The following SNX13 variants were observed in gnomAD, a reference collection of about 807,000 sequenced individuals.
SNX13 encodes the protein sorting nexin-13.
In SNX13, 45 loss-of-function variants were observed where a neutral mutation model predicts 133.6. The ratio of observed to expected loss-of-function variants is 0.34; its 90% confidence interval spans 0.27 to 0.43. SNX13 has a LOEUF of 0.43. Among genes scored for constraint, SNX13 ranks in the 20% least tolerant of loss-of-function variants. SNX13 has a pLI of 1.00. For synonymous variants in SNX13, 414 were observed against 373.9 expected, an observed-to-expected ratio of 1.11 and a Z score of -1.24; for missense variants, 1,032 against 1,145.1, an observed-to-expected ratio of 0.90 and a Z score of 1.43.
At chr7:17,826,277 A>G (rs1787902367) in intron 16 of SNX13, among the ~76,000 whole-genome samples, 186 bp from the exon 17 acceptor site, 1 of 152,012 alleles carries the variant, frequency 6.6e-6, no homozygotes, top group East Asian at 1.9e-4. Flanking sequence ...GAAAAAAAGC[A>G]AAGATTAAGA....
At chr7:17,799,459 G>C (rs1207667049) in intron 22 of SNX13, among the ~76,000 whole-genome samples, 1 of 151,744 alleles carries the variant, frequency 6.6e-6, no homozygotes, top group Admixed American at 6.6e-5. Flanking sequence ...TATTGGAAGA[G>C]ACTGTATGAG....
chr7:17,907,010 G>A (rs1477137809), intron 1 of SNX13, among the ~76,000 whole-genome samples: 2 of 152,118 alleles, frequency 1.3e-5, no homozygotes, highest in African/African-American at 2.4e-5. Flanking sequence ...ATTCATGTTG[G>A]TTATGTTCTT....
At position 17,897,494 on chromosome 7, in the gene SNX13, T is replaced by C. The variant is rs532343072; in HGVS notation, c.13-48A>G. On this transcript the variant is annotated intron_variant, in intron 1 of 25. Coordinates refer to ENST00000428135, the MANE Select transcript of SNX13 (RefSeq NM_015132.5). ...GTAAATTAGTAAATAATTCTCCACA[T>C]GAATTAGAAAAGAACCAACAAAACT... 19 of 1,091,624 alleles carry C rather than the reference T, an allele frequency of 1.7e-5. 1 individual carries two copies. The highest frequency in any genetic ancestry group is 2.1e-4 in the Middle Eastern group (1 of 4,790). The allele number at this position is 1,091,624 out of a possible 1,614,324, so 67.6% of individuals were successfully genotyped here. A position where few individuals can be genotyped will look rare whatever the true frequency, so the allele number is the denominator to read the frequency against.
intron 1 of SNX13, among the ~76,000 whole-genome samples, chr7:17,915,862 A>T (rs1338659219): frequency 6.6e-6 from 1 of 152,224 alleles, no homozygotes; most frequent in Non-Finnish European, 1.5e-5. Flanking sequence ...CATTCTTCTC[A>T]TCTGCACACA....
intron 8 of SNX13, 39 bp downstream of exon 8, chr7:17,873,488 AT>A (rs767044481): frequency 3.0e-5 from 41 of 1,389,482 alleles, no homozygotes; most frequent in South Asian, 9.7e-5. Flanking sequence ...ACTGCTCTAC[AT>A]TTTTTTGCAG....
rs887169320 is a variant in SNX13 at position 17,897,524 on chromosome 7, C to T, written c.13-78G>A. The T allele has an allele frequency of 3.8e-6, 3 of 781,552 alleles. No homozygotes were observed. The African/African-American group carries it at 5.4e-5, about 14-fold the overall frequency. 48.4% of individuals were successfully genotyped at this position (781,552 alleles called of 1,614,324 possible). On this transcript the variant is annotated intron_variant, in intron 1 of 25. Transcript: ENST00000428135. ...TAGAAAAGAACCAACAAAACTTTTACATAGTTTTAAATTTCTTCTTGTAAA... is the reference window on the plus strand; with the variant it reads ...TAGAAAAGAACCAACAAAACTTTTATATAGTTTTAAATTTCTTCTTGTAAA...
At chr7:17,856,214 T>C (rs1791860401) in intron 9 of SNX13, among the ~76,000 whole-genome samples, 2 of 152,256 alleles carry the variant, frequency 1.3e-5, no homozygotes, top group African/African-American at 4.8e-5. Flanking sequence ...TCTTTGTTTC[T>C]TTCTTTGCAA....
intron 12 of SNX13, among the ~76,000 whole-genome samples, chr7:17,840,247 A>G (rs2128316560): frequency 6.6e-6 from 1 of 152,202 alleles, no homozygotes; most frequent in Middle Eastern, 3.4e-3. Context: ...TTTCATAATA[A>G]AATCTCTAGT....
chr7:17,900,165 C>G (rs963181894), intron 1 of SNX13: 4 of 152,246 alleles, frequency 2.6e-5, no homozygotes, highest in African/African-American at 9.6e-5. Flanking sequence ...TTCTCCCAAA[C>G]AGAGTCAGTC....
rs1326875662 is a variant in SNX13, at chr7:17,794,138, T to A, written c.2781A>T (p.Glu927Asp). Reference protein sequence around the residue: ...ETLFPQYKFRELFNKLHSRSK... With the variant: ...ETLFPQYKFRDLFNKLHSRSK... ...ACCGTGAATGCAGTTTGTTGAAAAG[T>A]TCACGGAATTTATACTGTGGAAATA... is the stretch of plus-strand genomic sequence containing the variant. Residue 927 changes from glutamate (E) to aspartate (D), a missense_variant, in exon 26 of 26, where the codon GAA (glutamate) becomes GAT (aspartate). Transcript: ENST00000428135. 2 of 1,611,702 alleles carry A rather than the reference T, an allele frequency of 1.2e-6. No homozygotes were observed. The highest frequency in any genetic ancestry group is 2.2e-5 in the South Asian group (2 of 90,978).
Position 17,834,795 on chromosome 7 carries a change from G to A in SNX13, c.1430C>T (p.Pro477Leu), listed in dbSNP as rs1788949339. ...AATGTCATCAAAGATTTCAGGGGTTGGATCTTCATGATTCAAAGTATCTGC... is the reference window on the plus strand; with the variant it reads ...AATGTCATCAAAGATTTCAGGGGTTAGATCTTCATGATTCAAAGTATCTGC... Reference protein sequence around the residue: ...KLADTLNHEDPTPEIFDDIQR... With the variant: ...KLADTLNHEDLTPEIFDDIQR... The change falls in exon 14 of 26, where the codon CCA becomes CTA. Residue 477 changes from proline (P) to leucine (L), a missense_variant. By Grantham distance (98) the Pro-to-Leu change is moderately conservative. Coordinates refer to ENST00000428135, the MANE Select transcript of SNX13 (RefSeq NM_015132.5). The A allele has an allele frequency of 1.2e-6, 2 of 1,609,144 alleles. No homozygotes were observed. The highest frequency in any genetic ancestry group is 2.7e-5 in the African/African-American group (2 of 74,802).
At chr7:17,839,171 T>C (rs916929669) in intron 13 of SNX13, among the ~76,000 whole-genome samples, 4 of 149,314 alleles carry the variant, frequency 2.7e-5, no homozygotes, top group Non-Finnish European at 5.9e-5. Flanking sequence ...ATATATTCTA[T>C]AGACGCTATA....
intron 1 of SNX13, among the ~76,000 whole-genome samples, chr7:17,918,417 C>T (rs1448109617): frequency 1.4e-5 from 2 of 147,060 alleles, no homozygotes; most frequent in Admixed American, 1.4e-4. Flanking sequence ...CCGTAAGAAA[C>T]TTAAGATGAA....
At chr7:17,875,080 C>G (rs534693679) in intron 7 of SNX13, among the ~76,000 whole-genome samples, 1 of 152,252 alleles carries the variant, frequency 6.6e-6, no homozygotes, top group South Asian at 2.1e-4. Flanking sequence ...GATCACAGGT[C>G]ACTGCAGCCT....
At position 17,791,165 on chromosome 7, in the gene SNX13, T is replaced by C. The variant is rs1783497605; in HGVS notation, c.*2880A>G. Reference sequence around the variant, plus strand: ...ACAGTTTAAGCTACATCTCAAAAAATTAAAAATTCATTTATCTTACAATTA... The same window carrying C: ...ACAGTTTAAGCTACATCTCAAAAAACTAAAAATTCATTTATCTTACAATTA... On this transcript the variant is annotated 3_prime_UTR_variant, in exon 26 of 26. Transcript: ENST00000428135. The C allele has an allele frequency of 6.6e-6, 1 of 151,970 alleles. No homozygotes were observed. Among genetic ancestry groups the C allele is most frequent in the Non-Finnish European group, 1.5e-5 (1 of 67,898 alleles). 9.4% of individuals were successfully genotyped at this position (151,970 alleles called of 1,614,324 possible). A position where few individuals can be genotyped will look rare whatever the true frequency, so the allele number is the denominator to read the frequency against.
chr7:17,849,103 T>C (rs1043079212), intron 11 of SNX13, among the ~76,000 whole-genome samples: 3 of 152,176 alleles, frequency 2.0e-5, no homozygotes, highest in Non-Finnish European at 4.4e-5. Context: ...AACTTTTCCT[T>C]AGAACTCAAG....
chr7:17,914,588 G>C (rs892729545), intron 1 of SNX13, among the ~76,000 whole-genome samples: 1 of 152,132 alleles, frequency 6.6e-6, no homozygotes, highest in South Asian at 2.1e-4. Flanking sequence ...CATTCTTAAA[G>C]AAAAGAAATG....
At chr7:17,858,339 T>C (rs796590590) in intron 9 of SNX13, among the ~76,000 whole-genome samples, 8 of 152,228 alleles carry the variant, frequency 5.3e-5, no homozygotes, top group African/African-American at 1.9e-4. Context: ...ATCATTTCCA[T>C]TTGTCATTAG....
At chr7:17,811,826 C>A (rs1786066041) in intron 20 of SNX13, among the ~76,000 whole-genome samples, 1 of 152,064 alleles carries the variant, frequency 6.6e-6, no homozygotes, top group African/African-American at 2.4e-5. Flanking sequence ...AGAACGGAGG[C>A]CTCAGAAATG....
Sources: allele counts gnomAD v4.1 joint callset (sites outside exome capture counted in the v4.1 genomes callset), GRCh38; gene constraint gnomAD v4.1.1; transcripts MANE v1.5; gene names NCBI Gene and HGNC (gene_info 2026-07-23, HGNC 2026-07-21).